FRRS1: variants seen among roughly 807,000 people sequenced by gnomAD.
FRRS1 encodes ferric chelate reductase 1.
Under a neutral mutation model 70.7 loss-of-function variants are expected in FRRS1, and 51 were observed. That is an observed-to-expected ratio of 0.72 (90% CI 0.58 to 0.91). FRRS1 has a LOEUF of 0.91. Among genes scored for constraint, FRRS1 ranks in the 40% least tolerant of loss-of-function variants. The probability of loss-of-function intolerance (pLI) is 0.00; values close to 1 mark genes in which losing one functional copy is unlikely to be tolerated. For missense variants in FRRS1, 672 were observed against 726.0 expected (o/e 0.93, Z 0.86); for synonymous variants, 225 against 238.7 (o/e 0.94, Z 0.53).
intron 4 of FRRS1, 90 bp from the exon 5 acceptor site, chr1:99,742,363 T>G (rs1460981616): frequency 2.6e-6 from 2 of 771,562 alleles, no homozygotes; most frequent in Non-Finnish European, 4.6e-6. Context: ...AATTTATCAT[T>G]GCATGACATT....
In FRRS1 at chr1:99,728,492, C is replaced by A. The variant is rs1655175583; in HGVS notation, c.1006+1G>T. The stretch of plus-strand genomic sequence containing the variant: ...AAAAGACAGCTTAACAATATACTTA[C>A]CATCATTAGCTGCACCATCTGCTAG... On this transcript the variant is annotated splice_donor_variant, in intron 9 of 16. Transcript: ENST00000646001. LOFTEE classifies it high-confidence loss of function. The A allele has an allele frequency of 1.2e-6, 2 of 1,606,288 alleles. No homozygotes were observed. Among genetic ancestry groups the A allele is most frequent in the Non-Finnish European group, 1.7e-6 (2 of 1,174,232 alleles).
At chr1:99,758,028 T>C (rs1414332381) in intron 1 of FRRS1, among the ~76,000 whole-genome samples, 1 of 151,386 alleles carries the variant, frequency 6.6e-6, no homozygotes, top group Non-Finnish European at 1.5e-5. Flanking sequence ...AGGGCTTCAG[T>C]ATCTAAAGGG....
At chr1:99,747,203 C>T in intron 4 of FRRS1, 91 bp downstream of exon 4, 2 of 1,027,834 alleles carry the variant, frequency 1.9e-6, no homozygotes, top group Non-Finnish European at 2.9e-6. Flanking sequence ...TGGGGGGAGT[C>T]AAAAGTTATA....
intron 11 of FRRS1, 120 bp downstream of exon 11, chr1:99,717,290 G>A (rs1225617993): frequency 2.8e-6 from 2 of 706,896 alleles, no homozygotes; most frequent in Non-Finnish European, 5.1e-6. Flanking sequence ...GAAAAAGGAG[G>A]ATCCCAAACC....
At chr1:99,745,789 G>A (rs1245270502) in intron 4 of FRRS1, among the ~76,000 whole-genome samples, 1 of 152,158 alleles carries the variant, frequency 6.6e-6, no homozygotes, top group African/African-American at 2.4e-5. Flanking sequence ...GGAACTGGTG[G>A]GAGGTGTTTG....
Position 99,705,934 on chromosome 1 carries a change from A to C in FRRS1, c.*3094T>G, listed in dbSNP as rs1654026115. On this transcript the variant is annotated 3_prime_UTR_variant, in exon 17 of 17. Transcript: ENST00000646001. ...ATATAAAAGCATTTAATTTAACAAT[A>C]ATTACTATCAAAAGAAATAACTTTT... is the stretch of plus-strand genomic sequence containing the variant. Among the ~76,000 whole-genome samples, 1 of 152,216 alleles carries C rather than the reference A, an allele frequency of 6.6e-6. No individual in the cohort carries two copies. The highest frequency in any genetic ancestry group is 1.5e-5 in the Non-Finnish European group (1 of 68,036).
intron 7 of FRRS1, among the ~76,000 whole-genome samples, chr1:99,730,599 G>A (rs955884422): frequency 1.3e-5 from 2 of 152,122 alleles, no homozygotes; most frequent in South Asian, 4.1e-4. Flanking sequence ...CGGGCGAGGT[G>A]GCTCACGCCT....
At chr1:99,728,742 C>T (rs1007937401) in intron 8 of FRRS1, 102 bp from the exon 9 acceptor site, 3 of 921,068 alleles carry the variant, frequency 3.3e-6, no homozygotes, top group African/African-American at 1.6e-5. Context: ...TCTCTAAGAT[C>T]GTATGTCCAT....
At chr1:99,726,185 TC>T (rs1655071571) in intron 9 of FRRS1, among the ~76,000 whole-genome samples, 2 of 152,080 alleles carry the variant, frequency 1.3e-5, no homozygotes, top group Admixed American at 6.6e-5. Context: ...CCACCTTCAC[TC>T]TCTCTCTCTC....
At chr1:99,743,457 T>C (rs1049361520) in intron 4 of FRRS1, among the ~76,000 whole-genome samples, 1 of 152,228 alleles carries the variant, frequency 6.6e-6, no homozygotes, top group South Asian at 2.1e-4. Flanking sequence ...GCTAGAAATA[T>C]TGAAAAAATT....
chr1:99,735,893 C>T lies in FRRS1; in HGVS notation c.759+2193G>A, dbSNP rs1655633879. 2.6e-5 allele frequency among the ~76,000 whole-genome samples: 4 copies of T among 152,160 alleles called. No homozygotes were observed. The South Asian group carries it at 8.3e-4, about 32-fold the overall frequency. The stretch of plus-strand genomic sequence containing the variant: ...CGTAACCAGTAAAAGGAAATGTATC[C>T]GTATACTATAGCATGAATCTTGGCT... On this transcript the variant is annotated intron_variant, in intron 7 of 16. Transcript: ENST00000646001.
intron 12 of FRRS1, among the ~76,000 whole-genome samples, 162 bp from the exon 13 acceptor site, chr1:99,712,677 G>A (rs1024984541): frequency 4.6e-5 from 7 of 152,068 alleles, no homozygotes; most frequent in African/African-American, 1.7e-4. Flanking sequence ...GAGTATACAC[G>A]TTGTACCAGG....
chr1:99,709,892 C>G (rs1654192516), intron 15 of FRRS1, among the ~76,000 whole-genome samples: 2 of 152,136 alleles, frequency 1.3e-5, no homozygotes, highest in Non-Finnish European at 2.9e-5. Flanking sequence ...GGCTTAAGCT[C>G]TGGAGTTCAA....
intron 11 of FRRS1, among the ~76,000 whole-genome samples, chr1:99,716,141 A>G (rs1654513981): frequency 6.6e-6 from 1 of 152,254 alleles, no homozygotes; most frequent in East Asian, 1.9e-4. Flanking sequence ...ATAATTCATG[A>G]TACAAATTAG....
At chr1:99,754,623 T>C in intron 1 of FRRS1, among the ~76,000 whole-genome samples, 1 of 152,120 alleles carries the variant, frequency 6.6e-6, no homozygotes, top group East Asian at 1.9e-4. Flanking sequence ...GACTATTTCA[T>C]CCAACAACAG....
chr1:99,755,443 C>T (rs956364443), intron 1 of FRRS1, among the ~76,000 whole-genome samples: 14 of 151,426 alleles, frequency 9.2e-5, no homozygotes, highest in African/African-American at 3.2e-4. Context: ...GAGGGACAGA[C>T]GGAGAGAGGG....
intron 7 of FRRS1, among the ~76,000 whole-genome samples, chr1:99,736,765 G>A (rs1655687782): frequency 1.0e-5 from 1 of 95,252 alleles, no homozygotes. Flanking sequence ...AACTTAAAGT[G>A]TACTAATAAT....
At chr1:99,742,643 C>A (rs1427957610) in intron 4 of FRRS1, among the ~76,000 whole-genome samples, 1 of 152,194 alleles carries the variant, frequency 6.6e-6, no homozygotes, top group Non-Finnish European at 1.5e-5. Flanking sequence ...AAATTTCCTG[C>A]CTTCAAATAC....
intron 6 of FRRS1, among the ~76,000 whole-genome samples, chr1:99,740,194 A>C (rs1655882273): frequency 6.6e-6 from 1 of 151,574 alleles, no homozygotes; most frequent in African/African-American, 2.4e-5. Flanking sequence ...TCTTCTTTTG[A>C]TATCTGGCTG....
Sources: allele counts gnomAD v4.1 joint callset (sites outside exome capture counted in the v4.1 genomes callset), GRCh38; gene constraint gnomAD v4.1.1; transcripts MANE v1.5; gene names NCBI Gene and HGNC (gene_info 2026-07-23, HGNC 2026-07-21).